The following MECOM variants were observed in gnomAD, a reference collection of about 807,000 sequenced individuals.
MECOM encodes histone-lysine N-methyltransferase MECOM.
In MECOM, 13 loss-of-function variants were observed where a neutral mutation model predicts 116.3. That is an observed-to-expected ratio of 0.11 (90% CI 0.07 to 0.18). The LOEUF is 0.18. MECOM is among the 10% of genes least tolerant of loss of function. MECOM has a pLI of 1.00. For missense variants in MECOM, 1,299 were observed against 1,509.0 expected (o/e 0.86, Z 2.31); for synonymous variants, 528 against 535.2 (o/e 0.99, Z 0.19).
chr3:169,466,344 C>T (rs533592740), intron 1 of MECOM, among the ~76,000 whole-genome samples: 11 of 152,322 alleles, frequency 7.2e-5, no homozygotes, highest in African/African-American at 2.6e-4. Context: ...GTGATGATGA[C>T]TCCCAGTGAA....
Position 169,594,154 on chromosome 3 carries a change from CA to C in MECOM, c.37+69181del, listed in dbSNP as rs34331048. Among the ~76,000 whole-genome samples, 150 of 45,708 alleles carry C rather than the reference CA, an allele frequency of 3.3e-3. 3 individuals are homozygous for C. The highest frequency in any genetic ancestry group is 0.02 in the Middle Eastern group (2 of 102). 30.0% of individuals were successfully genotyped at this position (45,708 alleles called of 152,430 possible). A position where few individuals can be genotyped will look rare whatever the true frequency, so the allele number is the denominator to read the frequency against. The stretch of plus-strand genomic sequence containing the variant: ...CTCAACGACAACACCACCACCACCA[CA>C]AAAAAAAAAAAAAAAAAAAAACACC... On this transcript the variant is annotated intron_variant, in intron 1 of 16. Coordinates refer to ENST00000651503, the MANE Select transcript of MECOM (RefSeq NM_004991.4).
intron 1 of MECOM, among the ~76,000 whole-genome samples, chr3:169,520,637 T>G (rs6444855): frequency 0.51 from 78,325 of 152,124 alleles, 21,590 homozygotes; most frequent in African/African-American, 0.73. Flanking sequence ...GCCATTATTT[T>G]CTTGGATTAT....
intron 1 of MECOM, among the ~76,000 whole-genome samples, chr3:169,405,424 A>AG (rs1736541376): frequency 6.6e-6 from 1 of 152,248 alleles, no homozygotes; most frequent in Non-Finnish European, 1.5e-5. Flanking sequence ...GCTAAAAAAA[A>AG]GAAGAGTGTA....
intron 14 of MECOM, among the ~76,000 whole-genome samples, chr3:169,092,757 T>C (rs1016522769): frequency 2.0e-5 from 3 of 152,132 alleles, no homozygotes; most frequent in Non-Finnish European, 4.4e-5. Context: ...GGCTATCTCA[T>C]AGGGTTATGA....
intron 1 of MECOM, among the ~76,000 whole-genome samples, chr3:169,462,873 T>C (rs548149596): frequency 7.2e-5 from 11 of 152,224 alleles, no homozygotes; most frequent in Non-Finnish European, 1.6e-4. Context: ...CTAAATTATT[T>C]GTTCATGAAA....
chr3:169,269,967 G>GGT (rs72249209), intron 2 of MECOM, among the ~76,000 whole-genome samples: 9,420 of 149,124 alleles, frequency 0.063, 366 homozygotes, highest in Admixed American at 0.1. Flanking sequence ...CGTATATAAA[G>GGT]GTGTGTGTGT....
chr3:169,447,002 A>G (rs1198094757), intron 1 of MECOM, among the ~76,000 whole-genome samples: 3 of 152,214 alleles, frequency 2.0e-5, no homozygotes, highest in Non-Finnish European at 4.4e-5. Flanking sequence ...ACAAATAAAT[A>G]CTTACAGGTC....
At chr3:169,376,674 A>G (rs1226358129) in intron 2 of MECOM, among the ~76,000 whole-genome samples, 1 of 90,096 alleles carries the variant, frequency 1.1e-5, no homozygotes, top group Admixed American at 1.2e-4. Context: ...TCAAGAAAAT[A>G]AGAGAGGACA....
intron 1 of MECOM, among the ~76,000 whole-genome samples, chr3:169,440,487 C>G (rs1743433931): frequency 8.0e-6 from 1 of 124,572 alleles, no homozygotes; most frequent in Admixed American, 1.1e-4. Flanking sequence ...ACCCAATGAG[C>G]AAGGGATTGA....
At chr3:169,575,462 C>A (rs2109483243) in intron 1 of MECOM, among the ~76,000 whole-genome samples, 1 of 152,306 alleles carries the variant, frequency 6.6e-6, no homozygotes, top group African/African-American at 2.4e-5. Flanking sequence ...GAGGAACAGA[C>A]CTGATGAATC....
At chr3:169,244,566 G>C (rs535115135) in intron 2 of MECOM, among the ~76,000 whole-genome samples, 13 of 152,072 alleles carry the variant, frequency 8.5e-5, no homozygotes, top group Non-Finnish European at 1.9e-4. Flanking sequence ...GTGGGGATTC[G>C]GTCCATGTGA....
In MECOM at chr3:169,607,827, C is replaced by T. The variant is rs539121053; in HGVS notation, c.37+55509G>A. On this transcript the variant is annotated intron_variant, in intron 1 of 16. Coordinates refer to ENST00000651503, the MANE Select transcript of MECOM (RefSeq NM_004991.4). ...CTATCCCACACATTCATTAAATTTG[C>T]GTAAGCGCTTTCAAGAATGGAAGGC... Among the ~76,000 whole-genome samples, 50 of 152,328 alleles carry T rather than the reference C, an allele frequency of 3.3e-4. 2 individuals are homozygous for T. Among genetic ancestry groups the T allele is most frequent in the Admixed American group, 2.5e-3 (38 of 15,302 alleles).
intron 2 of MECOM, among the ~76,000 whole-genome samples, chr3:169,368,265 T>G (rs1460451486): frequency 6.6e-6 from 1 of 152,030 alleles, no homozygotes; most frequent in African/African-American, 2.4e-5. Flanking sequence ...AGGGCAAAAG[T>G]GAGCATAGTA....
chr3:169,562,454 C>T (rs1762766990), intron 1 of MECOM, among the ~76,000 whole-genome samples: 1 of 152,028 alleles, frequency 6.6e-6, no homozygotes, highest in Non-Finnish European at 1.5e-5. Context: ...GGAAGTGGGG[C>T]AGGGAGACAA....
chr3:169,409,123 G>A (rs1372427037), intron 1 of MECOM, among the ~76,000 whole-genome samples: 2 of 152,104 alleles, frequency 1.3e-5, no homozygotes, highest in Admixed American at 1.3e-4. Context: ...TAACCTCTCT[G>A]GGTCACAGTC....
intron 1 of MECOM, among the ~76,000 whole-genome samples, chr3:169,521,568 G>A (rs1757354534): frequency 6.6e-6 from 1 of 152,176 alleles, no homozygotes; most frequent in Admixed American, 6.5e-5. Flanking sequence ...GAGGTGTGAA[G>A]GTCAGTGGTC....
intron 2 of MECOM, among the ~76,000 whole-genome samples, chr3:169,262,081 A>G (rs575011957): frequency 6.6e-6 from 1 of 152,316 alleles, no homozygotes; most frequent in African/African-American, 2.4e-5. Context: ...GGAATAAACT[A>G]ATGGACACGA....
chr3:169,151,950 C>A (rs1218387059), intron 2 of MECOM, among the ~76,000 whole-genome samples: 1 of 152,088 alleles, frequency 6.6e-6, no homozygotes, highest in African/African-American at 2.4e-5. Flanking sequence ...TGAAGCATGA[C>A]CTTTAGGCAA....
chr3:169,136,023 A>G lies in MECOM; in HGVS notation c.511-4492T>C, dbSNP rs190906995. ...TTAAGGCATAATTATAATATTATAC[A>G]TGTATATAGAAATTAAATGCCCTAA... On this transcript the variant is annotated intron_variant, in intron 3 of 16. Transcript: ENST00000651503. Among the ~76,000 whole-genome samples, 411 of 151,954 alleles carry G rather than the reference A, an allele frequency of 2.7e-3. 3 individuals carry two copies. Among genetic ancestry groups the G allele is most frequent in the African/African-American group, 9.2e-3 (384 of 41,542 alleles).
Sources: allele counts gnomAD v4.1 joint callset (sites outside exome capture counted in the v4.1 genomes callset), GRCh38; gene constraint gnomAD v4.1.1; transcripts MANE v1.5; gene names NCBI Gene and HGNC (gene_info 2026-07-23, HGNC 2026-07-21).